Variants in DGKD observed in about 807,000 individuals in gnomAD.
DGKD encodes diacylglycerol kinase delta.
Under a neutral mutation model 154.4 loss-of-function variants are expected in DGKD, and 68 were observed. The observed-to-expected ratio is 0.44, with a 90% confidence interval of 0.36 to 0.54. The LOEUF is 0.54. Ranked by LOEUF, DGKD falls within the 20% of genes least tolerant of loss-of-function variation. The probability of loss-of-function intolerance (pLI) is 0.00; values close to 1 mark genes in which losing one functional copy is unlikely to be tolerated. For synonymous variants in DGKD, 693 were observed against 638.0 expected (o/e 1.09, Z -1.30); for missense variants, 1,343 against 1,593.6 (o/e 0.84, Z 2.68).
At chr2:233,466,588 G>A (rs1289534858) in intron 27 of DGKD, among the ~76,000 whole-genome samples, 1 of 152,086 alleles carries the variant, frequency 6.6e-6, no homozygotes, top group Non-Finnish European at 1.5e-5. Flanking sequence ...CAAGAGCAGA[G>A]GCCGAGCCTC....
chr2:233,441,385 G>A lies in DGKD; in HGVS notation c.1086-502G>A, dbSNP rs982136149. Among the ~76,000 whole-genome samples the A allele has an allele frequency of 3.3e-5, 5 of 152,304 alleles. No individual in the cohort carries two copies. The highest frequency in any genetic ancestry group is 2.0e-4 in the Admixed American group (3 of 15,298). On this transcript the variant is annotated intron_variant, in intron 9 of 29. Transcript: ENST00000264057. This position sits in a 1 kb window ranked among gnomAD's most constrained non-coding sequence, Gnocchi z 5.6. ...GGGTGACCAGAACAAGGGCCAGGGCGGAAGCCAGACTGTGGCCCAGGGCCG... is the reference window on the plus strand; with the variant it reads ...GGGTGACCAGAACAAGGGCCAGGGCAGAAGCCAGACTGTGGCCCAGGGCCG...
At chr2:233,419,890 G>A (rs200763524) in intron 3 of DGKD, among the ~76,000 whole-genome samples, 1 of 152,104 alleles carries the variant, frequency 6.6e-6, no homozygotes, top group East Asian at 1.9e-4. Flanking sequence ...GGTGTGTGTT[G>A]GGAGGGAAGG....
intron 3 of DGKD, among the ~76,000 whole-genome samples, chr2:233,408,044 G>GTTTT (rs1293793281): frequency 7.8e-6 from 1 of 127,690 alleles, no homozygotes; most frequent in Non-Finnish European, 1.7e-5. Context: ...AGGAAAAACT[G>GTTTT]TTTTTTTTTT....
At chr2:233,360,279 T>G (rs979392087) in intron 1 of DGKD, among the ~76,000 whole-genome samples, 4 of 152,122 alleles carry the variant, frequency 2.6e-5, no homozygotes, top group African/African-American at 9.7e-5. Flanking sequence ...TTTTCTTTTT[T>G]TCTGAGACAG....
intron 3 of DGKD, among the ~76,000 whole-genome samples, chr2:233,410,238 G>A (rs531133162): frequency 4.0e-5 from 6 of 150,022 alleles, no homozygotes; most frequent in African/African-American, 1.5e-4. Context: ...CCCATTCTTT[G>A]ATTTTTTTTC....
chr2:233,420,131 C>T (rs550271295), intron 3 of DGKD, among the ~76,000 whole-genome samples: 23 of 152,244 alleles, frequency 1.5e-4, no homozygotes, highest in African/African-American at 5.3e-4. Context: ...CCTGGGAACC[C>T]TGCATAAAGG....
intron 3 of DGKD, among the ~76,000 whole-genome samples, chr2:233,433,082 A>T (rs987507376): frequency 7.9e-5 from 12 of 152,234 alleles, no homozygotes; most frequent in Admixed American, 2.0e-4. Context: ...CAGCAATCCC[A>T]CTGCTAGGTA....
chr2:233,464,399 GC>G, intron 27 of DGKD, 116 bp downstream of exon 27: 1 of 1,346,560 alleles, frequency 7.4e-7, no homozygotes, highest in Non-Finnish European at 1.0e-6. Context: ...CGCTCCGGCA[GC>G]CCCTGAGGGG....
chr2:233,362,482 G>A (rs1172657430), intron 1 of DGKD, among the ~76,000 whole-genome samples: 1 of 152,026 alleles, frequency 6.6e-6, no homozygotes, highest in Non-Finnish European at 1.5e-5. Flanking sequence ...GAAACCCTGT[G>A]TCTACTAAAA....
At chr2:233,428,581 A>T (rs966085839) in intron 3 of DGKD, among the ~76,000 whole-genome samples, 1 of 152,144 alleles carries the variant, frequency 6.6e-6, no homozygotes, top group Non-Finnish European at 1.5e-5. Flanking sequence ...CACTGCTCTT[A>T]ATAGCTCCGG....
chr2:233,464,828 G>A (rs928488457), intron 27 of DGKD, among the ~76,000 whole-genome samples: 3 of 152,242 alleles, frequency 2.0e-5, no homozygotes, highest in Non-Finnish European at 4.4e-5. Flanking sequence ...GGAGAGGGCC[G>A]TGTCTGGACA....
rs554771280 is a variant in DGKD at position 233,444,071 on chromosome 2, C to T, written c.1195-1552C>T. Among the ~76,000 whole-genome samples the T allele has an allele frequency of 1.3e-4, 20 of 152,222 alleles. No homozygotes were observed. The South Asian group carries it at 4.1e-3, about 32-fold the overall frequency. Reference sequence around the variant, plus strand: ...CAGCGACTTGCAGGGCTTCTGCTGTCGTCTCTCTCCTGGGGGCGCCTCAAT... The same window carrying T: ...CAGCGACTTGCAGGGCTTCTGCTGTTGTCTCTCTCCTGGGGGCGCCTCAAT... On this transcript the variant is annotated intron_variant, in intron 10 of 29. Transcript: ENST00000264057.
intron 1 of DGKD, among the ~76,000 whole-genome samples, chr2:233,360,825 C>T (rs1359890320): frequency 2.0e-5 from 3 of 151,950 alleles, no homozygotes; most frequent in East Asian, 1.9e-4. Flanking sequence ...AAAATAGAGC[C>T]GGAGATTAGA....
intron 3 of DGKD, among the ~76,000 whole-genome samples, chr2:233,391,476 T>C (rs1703613565): frequency 6.6e-6 from 1 of 152,226 alleles, no homozygotes; most frequent in Admixed American, 6.5e-5. Flanking sequence ...TTCATGATAT[T>C]ATTTAATGGC....
chr2:233,462,836 T>G, intron 26 of DGKD, 101 bp downstream of exon 26: 1 of 1,067,520 alleles, frequency 9.4e-7, no homozygotes, highest in Non-Finnish European at 1.4e-6. Context: ...TAGTCCAGAG[T>G]TCCCGGTCTT....
At chr2:233,382,235 G>T (rs905625524) in intron 1 of DGKD, among the ~76,000 whole-genome samples, 1 of 152,116 alleles carries the variant, frequency 6.6e-6, no homozygotes, top group Non-Finnish European at 1.5e-5. Flanking sequence ...CTCTGTCTCA[G>T]AAAACAAACA....
chr2:233,438,755 CATCTATCTATCTATCTATCTATCT>C lies in DGKD; in HGVS notation c.1085+413_1085+436del, dbSNP rs3835771. Among the ~76,000 whole-genome samples, 25 of 132,368 alleles carry C rather than the reference CATCTATCTATCTATCTATCTATCT, an allele frequency of 1.9e-4. 1 individual carries two copies. Among genetic ancestry groups the C allele is most frequent in the Middle Eastern group, 3.5e-3 (1 of 284 alleles). The allele number at this position is 132,368 out of a possible 152,430, so 86.8% of individuals were successfully genotyped here. ...ATTTTTTATTTATCTGTCTATCTAT[CATCTATCTATCTATCTATCTATCT>C]ATCTATCTATCTATCTATCTATCTA... On this transcript the variant is annotated intron_variant, in intron 9 of 29. Transcript: ENST00000264057. This position sits in a 1 kb window ranked among gnomAD's most constrained non-coding sequence, Gnocchi z 4.1.
chr2:233,385,216 G>A (rs775332364), intron 1 of DGKD, among the ~76,000 whole-genome samples: 2 of 152,152 alleles, frequency 1.3e-5, no homozygotes, highest in African/African-American at 2.4e-5. Context: ...GGAGACTTGC[G>A]CTTCCCCCCA....
chr2:233,381,554 G>T (rs1702907461), intron 1 of DGKD, among the ~76,000 whole-genome samples: 1 of 152,220 alleles, frequency 6.6e-6, no homozygotes, highest in African/African-American at 2.4e-5. Context: ...AAATTGGTGT[G>T]AAGATTAAAA....
Sources: gnomAD v4.1 joint callset for allele counts (sites outside exome capture counted in the v4.1 genomes callset) on GRCh38, gnomAD v4.1.1 for gene constraint, Gnocchi (gnomAD v3.1) non-coding constraint, MANE v1.5 for transcripts, NCBI Gene and HGNC (gene_info 2026-07-23, HGNC 2026-07-21) for gene names.